Variants in MACROH2A1 observed in about 807,000 individuals in gnomAD.
MACROH2A1 encodes the protein macroH2A.1 histone.
In MACROH2A1, 2 loss-of-function variants were observed where a neutral mutation model predicts 31.6. The ratio of observed to expected loss-of-function variants is 0.06; its 90% CI spans 0.03 to 0.20. The LOEUF is 0.20. MACROH2A1 is among the 10% of genes least tolerant of loss of function. MACROH2A1 has a pLI of 1.00. For synonymous variants in MACROH2A1, 169 were observed against 189.6 expected (o/e 0.89, Z 0.89); for missense variants, 230 against 474.0 (o/e 0.49, Z 4.78).
chr5:135,365,010 G>GA (rs1409605745), intron 4 of MACROH2A1, among the ~76,000 whole-genome samples: 5 of 152,060 alleles, frequency 3.3e-5, no homozygotes, highest in Admixed American at 2.0e-4. Flanking sequence ...GTTTGTGTTT[G>GA]AAAAAATCCC....
rs1768424337 is a variant in MACROH2A1 at position 135,398,805 on chromosome 5, G to A, written c.-34+257C>T. On this transcript the variant is annotated intron_variant, in intron 1 of 8. Transcript: ENST00000511689. This position sits in a 1 kb window ranked among gnomAD's most constrained non-coding sequence, Gnocchi z 4.6. ...ACAAAAGCGCCCAGGCGCGGGCAGG[G>A]GGATGCGTTTCGAAGAGAAGTTGGT... Among the ~76,000 whole-genome samples the A allele has an allele frequency of 6.6e-6, 1 of 152,210 alleles. No individual in the cohort carries two copies. The highest frequency in any genetic ancestry group is 2.4e-5 in the African/African-American group (1 of 41,462).
intron 2 of MACROH2A1, among the ~76,000 whole-genome samples, chr5:135,382,667 T>A (rs1046800824): frequency 1.3e-5 from 2 of 152,202 alleles, no homozygotes; most frequent in African/African-American, 2.4e-5. Flanking sequence ...AAATCAAGCA[T>A]TTCTACTCTG....
intron 1 of MACROH2A1, among the ~76,000 whole-genome samples, chr5:135,391,845 C>T (rs1581372829): frequency 6.6e-6 from 1 of 152,202 alleles, no homozygotes. Context: ...TTGGTTCAGC[C>T]TCTTTACTTC....
At chr5:135,386,982 C>G (rs184110563) in intron 2 of MACROH2A1, among the ~76,000 whole-genome samples, 53 of 152,304 alleles carry the variant, frequency 3.5e-4, no homozygotes, top group Non-Finnish European at 1.5e-5. Flanking sequence ...GCACCTTTGG[C>G]CTTCACAGCA....
chr5:135,349,717 T>C (rs559953838), intron 6 of MACROH2A1, among the ~76,000 whole-genome samples: 101 of 152,330 alleles, frequency 6.6e-4, no homozygotes, highest in Middle Eastern at 3.4e-3. Context: ...CTTTGGAAGC[T>C]GGTATTTGAA....
intron 4 of MACROH2A1, among the ~76,000 whole-genome samples, chr5:135,366,283 G>A (rs1406571191): frequency 2.0e-5 from 3 of 152,108 alleles, no homozygotes; most frequent in Admixed American, 6.5e-5. Context: ...TCACATAAGT[G>A]ACCAGTCATC....
At chr5:135,384,638 G>C (rs751266643) in intron 2 of MACROH2A1, among the ~76,000 whole-genome samples, 4 of 152,170 alleles carry the variant, frequency 2.6e-5, no homozygotes, top group Non-Finnish European at 5.9e-5. Context: ...TCATTGACAA[G>C]AGACAGGAAA....
At chr5:135,392,219 A>C (rs1275913224) in intron 1 of MACROH2A1, among the ~76,000 whole-genome samples, 2 of 152,144 alleles carry the variant, frequency 1.3e-5, no homozygotes, top group Non-Finnish European at 2.9e-5. Context: ...CATAGTATAT[A>C]TATCCCAGCA....
Position 135,343,429 on chromosome 5 carries a change from C to T in MACROH2A1, c.784G>A (p.Val262Ile), listed in dbSNP as rs1342785347. The T allele has an allele frequency of 1.2e-6, 2 of 1,613,876 alleles. No individual in the cohort carries two copies. Among genetic ancestry groups the T allele is most frequent in the South Asian group, 2.2e-5 (2 of 91,090 alleles). ...NGPLEVAGAA[V>I]SAGHGLPAKF... ...GCAGGCAGGCCATGGCCTGCGCTGACAGCAGCTAGTGGTGCGGGGATGAAA... is the reference window on the plus strand; with the variant it reads ...GCAGGCAGGCCATGGCCTGCGCTGATAGCAGCTAGTGGTGCGGGGATGAAA... Residue 262 changes from valine (V) to isoleucine (I), a missense_variant, in exon 8 of 9, where the codon GTC becomes ATC. This residue lies in a region of MACROH2A1 where 183 missense variants were observed against 319.3 expected (regional missense o/e 0.57). Coordinates refer to ENST00000511689, the MANE Select transcript of MACROH2A1 (RefSeq NM_138610.3).
In MACROH2A1 at chr5:135,369,705, G is replaced by C. The variant is rs1763947940; in HGVS notation, c.280-102C>G. 3.6e-5 allele frequency: 32 copies of C among 878,620 alleles called. No homozygotes were observed. The South Asian group carries it at 4.6e-4, about 13-fold the overall frequency. The allele number at this position is 878,620 out of a possible 1,614,324, so 54.4% of individuals were successfully genotyped here. On this transcript the variant is annotated intron_variant, in intron 3 of 8. Transcript: ENST00000511689. This position sits in a 1 kb window ranked among gnomAD's most constrained non-coding sequence, Gnocchi z 4.3. The stretch of plus-strand genomic sequence containing the variant: ...GACAGTCTTGCTTTGGGTTGGTGCA[G>C]CTCCTTCCTCCATGGCATCCTCCAT...
intron 5 of MACROH2A1, 173 bp from the exon 6 acceptor site, chr5:135,353,218 C>T (rs1477831385): frequency 2.0e-4 from 116 of 576,762 alleles, no homozygotes; most frequent in Non-Finnish European, 2.7e-4. Flanking sequence ...TCAAATGCTG[C>T]TCGGGATGCG....
At chr5:135,342,913 G>C (rs1760147030) in intron 8 of MACROH2A1, among the ~76,000 whole-genome samples, 1 of 152,162 alleles carries the variant, frequency 6.6e-6, no homozygotes, top group South Asian at 2.1e-4. Context: ...CTGTTCGTTT[G>C]TATCCCTGTA....
chr5:135,374,315 A>G (rs111884504), intron 2 of MACROH2A1, among the ~76,000 whole-genome samples: 5,605 of 152,244 alleles, frequency 0.037, 385 homozygotes, highest in African/African-American at 0.13. Context: ...GTTCCTATTC[A>G]GGGGGGAGCG....
intron 8 of MACROH2A1, among the ~76,000 whole-genome samples, chr5:135,338,841 G>GAGTC (rs1759266403): frequency 6.6e-6 from 1 of 152,236 alleles, no homozygotes; most frequent in Non-Finnish European, 1.5e-5. Flanking sequence ...TTCCACTCTA[G>GAGTC]AGTCAGAATT....
intron 2 of MACROH2A1, among the ~76,000 whole-genome samples, chr5:135,380,061 G>T (rs1380277273): frequency 6.6e-6 from 1 of 152,160 alleles, no homozygotes; most frequent in Non-Finnish European, 1.5e-5. Flanking sequence ...AAATCCAGGG[G>T]TCTAGTTTAA....
Position 135,369,346 on chromosome 5 carries a change from A to G in MACROH2A1, c.477+60T>C. Reference sequence around the variant, plus strand: ...GGGGGAATGAGGGGGGTGCCCTGGTAACCCTGTTTATCCGTACCCCATCCT... The same window carrying G: ...GGGGGAATGAGGGGGGTGCCCTGGTGACCCTGTTTATCCGTACCCCATCCT... On this transcript the variant is annotated intron_variant, in intron 4 of 8. Transcript: ENST00000511689. This position sits in a 1 kb window ranked among gnomAD's most constrained non-coding sequence, Gnocchi z 4.3. The G allele has an allele frequency of 7.3e-7, 1 of 1,376,216 alleles. No homozygotes were observed. 85.3% of individuals were successfully genotyped at this position (1,376,216 alleles called of 1,614,324 possible).
At chr5:135,349,516 G>A (rs1191056150) in intron 6 of MACROH2A1, among the ~76,000 whole-genome samples, 1 of 152,120 alleles carries the variant, frequency 6.6e-6, no homozygotes, top group East Asian at 1.9e-4. Context: ...GTGCCCAGGA[G>A]AGTGATTAGT....
chr5:135,365,519 G>C (rs1050041833), intron 4 of MACROH2A1, among the ~76,000 whole-genome samples: 13 of 152,194 alleles, frequency 8.5e-5, no homozygotes, highest in Admixed American at 4.6e-4. Context: ...TAATGAATCT[G>C]CACCTCCTCC....
At chr5:135,365,142 C>T (rs984243420) in intron 4 of MACROH2A1, among the ~76,000 whole-genome samples, 1 of 152,184 alleles carries the variant, frequency 6.6e-6, no homozygotes, top group Non-Finnish European at 1.5e-5. Flanking sequence ...CAAAATTAGG[C>T]ATAGTTTCCT....
Sources: allele counts gnomAD v4.1 joint callset (sites outside exome capture counted in the v4.1 genomes callset), GRCh38; gene constraint gnomAD v4.1.1; regional missense constraint gnomAD v4.1.1; non-coding constraint Gnocchi (gnomAD v3.1); transcripts MANE v1.5; gene names NCBI Gene and HGNC (gene_info 2026-07-23, HGNC 2026-07-21).